MTA3: variants seen among roughly 807,000 people sequenced by gnomAD.
MTA3 encodes the protein metastasis associated 1 family member 3.
Under a neutral mutation model 83.5 loss-of-function variants are expected in MTA3, and 34 were observed. The ratio of observed to expected loss-of-function variants is 0.41; its 90% CI spans 0.31 to 0.54. MTA3 has a LOEUF of 0.54. Among genes scored for constraint, MTA3 ranks in the 20% least tolerant of loss-of-function variants. MTA3 has a pLI of 0.33. For missense variants in MTA3, 761 were observed against 726.4 expected, an observed-to-expected ratio of 1.05 and a Z score of -0.55; for synonymous variants, 303 against 252.7, an observed-to-expected ratio of 1.20 and a Z score of -1.89.
chr2:42,537,682 T>C (rs1676309842), intron 2 of MTA3, among the ~76,000 whole-genome samples: 1 of 152,172 alleles, frequency 6.6e-6, no homozygotes, highest in African/African-American at 2.4e-5. Flanking sequence ...ACGAAATGCA[T>C]TGCGTAATCA....
intron 2 of MTA3, among the ~76,000 whole-genome samples, chr2:42,541,117 C>T (rs1037191629): frequency 5.9e-5 from 9 of 151,772 alleles, no homozygotes; most frequent in Admixed American, 4.6e-4. Flanking sequence ...CCGCAACCTC[C>T]GCCTCCCAGG....
chr2:42,678,672 G>C (rs1333965132), intron 8 of MTA3, among the ~76,000 whole-genome samples: 1 of 152,104 alleles, frequency 6.6e-6, no homozygotes, highest in Non-Finnish European at 1.5e-5. Context: ...TGTTAAAGCA[G>C]TTATTTACTG....
intron 6 of MTA3, among the ~76,000 whole-genome samples, chr2:42,646,011 C>T (rs992095436): frequency 6.6e-6 from 1 of 152,318 alleles, no homozygotes; most frequent in African/African-American, 2.4e-5. Flanking sequence ...TGACTTGAAG[C>T]CAATCCTCGT....
intron 2 of MTA3, among the ~76,000 whole-genome samples, chr2:42,576,158 C>CCCATACAGGGTAGAGA (rs1226154663): frequency 5.3e-5 from 8 of 152,156 alleles, no homozygotes; most frequent in African/African-American, 1.9e-4. Flanking sequence ...ATGGTCTCTA[C>CCCATACAGGGTAGAGA]CCATACAGGG....
Position 42,593,922 on chromosome 2 carries a change from C to T in MTA3, c.190+14722C>T, listed in dbSNP as rs557303965. Reference sequence around the variant, plus strand: ...TACCAGCAATGAATGAGTGCCCATTCCCTTCCATTTTTACCAGTATAGGAT... The same window carrying T: ...TACCAGCAATGAATGAGTGCCCATTTCCTTCCATTTTTACCAGTATAGGAT... On this transcript the variant is annotated intron_variant, in intron 3 of 16. Transcript: ENST00000405094. Among the ~76,000 whole-genome samples, 6 of 151,408 alleles carry T rather than the reference C, an allele frequency of 4.0e-5. No individual in the cohort carries two copies. In the South Asian group the frequency reaches 6.3e-4, roughly 16 times the overall value.
chr2:42,641,046 A>T (rs1004248578), intron 5 of MTA3, among the ~76,000 whole-genome samples: 17 of 152,068 alleles, frequency 1.1e-4, no homozygotes, highest in African/African-American at 4.1e-4. Flanking sequence ...AGCTGGGATC[A>T]TAGGTGCCTG....
chr2:42,538,919 C>T (rs1462772954), intron 2 of MTA3, among the ~76,000 whole-genome samples: 14 of 149,074 alleles, frequency 9.4e-5, no homozygotes, highest in Admixed American at 6.7e-5. Context: ...GGACTACAGG[C>T]GCCCGCCACC....
At position 42,537,428 on chromosome 2, in the gene MTA3, A is replaced by G. The variant is rs373116723; in HGVS notation, c.-140-33009A>G. Among the ~76,000 whole-genome samples, 22 of 152,004 alleles carry G rather than the reference A, an allele frequency of 1.4e-4. 1 individual carries two copies. Among genetic ancestry groups the G allele is most frequent in the African/African-American group, 4.6e-4 (19 of 41,458 alleles). On this transcript the variant is annotated intron_variant, in intron 2 of 17. Transcript: ENST00000405592. ...AAAAATACAAAAATTAGCTGGGCAT[A>G]GTGGTGGGTGCCTGTAATCCCCACT...
chr2:42,717,389 T>G (rs937396698), intron 14 of MTA3, among the ~76,000 whole-genome samples: 3 of 152,174 alleles, frequency 2.0e-5, no homozygotes, highest in African/African-American at 7.2e-5. Context: ...ATAAACATAG[T>G]AGAATCATAC....
At chr2:42,741,979 C>G (rs1669071020) in intron 16 of MTA3, among the ~76,000 whole-genome samples, 1 of 152,132 alleles carries the variant, frequency 6.6e-6, no homozygotes, top group Admixed American at 6.5e-5. Context: ...ATCTGTAAAG[C>G]TCAACAGAGC....
intron 15 of MTA3, among the ~76,000 whole-genome samples, chr2:42,721,438 C>T (rs886816724): frequency 2.0e-5 from 3 of 151,716 alleles, no homozygotes; most frequent in Admixed American, 1.3e-4. Flanking sequence ...GGTGATCCTC[C>T]CACTTAAGCC....
chr2:42,706,138 G>C (rs1036504531), intron 12 of MTA3, among the ~76,000 whole-genome samples: 1 of 152,140 alleles, frequency 6.6e-6, no homozygotes, highest in African/African-American at 2.4e-5. Flanking sequence ...GGTGGGGGGA[G>C]CAGGGAGGGA....
At chr2:42,602,256 C>T (rs1024978283) in intron 3 of MTA3, among the ~76,000 whole-genome samples, 2 of 152,190 alleles carry the variant, frequency 1.3e-5, no homozygotes, top group Admixed American at 6.5e-5. Flanking sequence ...GGATTACAGG[C>T]GTGAGCCACC....
At chr2:42,720,692 C>T (rs1198236179) in intron 15 of MTA3, among the ~76,000 whole-genome samples, 1 of 151,896 alleles carries the variant, frequency 6.6e-6, no homozygotes, top group Non-Finnish European at 1.5e-5. Flanking sequence ...GGCATGGTGG[C>T]TCATGCCTGT....
At chr2:42,564,349 C>T (rs962789261), upstream of MTA3, among the ~76,000 whole-genome samples, 5 of 152,152 alleles carry the variant, frequency 3.3e-5, no homozygotes, top group East Asian at 3.8e-4. Flanking sequence ...ACATACTGCC[C>T]GAAACCAAGA....
At chr2:42,606,388 C>A (rs1435361271) in intron 3 of MTA3, among the ~76,000 whole-genome samples, 2 of 146,548 alleles carry the variant, frequency 1.4e-5, no homozygotes, top group Non-Finnish European at 3.0e-5. Context: ...TCAGACGGGG[C>A]GGCCGGGCAG....
intron 3 of MTA3, among the ~76,000 whole-genome samples, chr2:42,594,722 A>AT (rs1573130009): frequency 2.0e-4 from 7 of 34,756 alleles, no homozygotes; most frequent in African/African-American, 1.4e-3. Flanking sequence ...ATATATATAT[A>AT]TATATATTTT....
chr2:42,579,280 C>A, intron 3 of MTA3, 80 bp downstream of exon 3: 1 of 1,021,324 alleles, frequency 9.8e-7, no homozygotes, highest in Non-Finnish European at 1.4e-6. Flanking sequence ...CTTTTTCTTA[C>A]CTGAAGTCTT....
chr2:42,676,372 A>C (rs2104421660), intron 8 of MTA3, among the ~76,000 whole-genome samples: 1 of 152,376 alleles, frequency 6.6e-6, no homozygotes, highest in East Asian at 1.9e-4. Flanking sequence ...ACATGAACAC[A>C]AAACTGAAAA....
Sources: gnomAD v4.1 joint callset for allele counts (sites outside exome capture counted in the v4.1 genomes callset) on GRCh38, gnomAD v4.1.1 for gene constraint, MANE v1.5 for transcripts, NCBI Gene and HGNC (gene_info 2026-07-23, HGNC 2026-07-21) for gene names.